Variants in PLEKHG4B observed in about 807,000 individuals in gnomAD.
PLEKHG4B encodes pleckstrin homology domain-containing family G member 4B.
In PLEKHG4B, 111 loss-of-function variants were observed where a neutral mutation model predicts 121.3. That is an observed-to-expected ratio of 0.92 (90% CI 0.78 to 1.07). PLEKHG4B has a LOEUF of 1.07. Ranked by LOEUF, PLEKHG4B falls within the 50% of genes least tolerant of loss-of-function variation. The pLI is 0.00. For missense variants in PLEKHG4B, 1,831 were observed against 1,757.8 expected, an observed-to-expected ratio of 1.04 and a Z score of -0.74; for synonymous variants, 738 against 725.0, an observed-to-expected ratio of 1.02 and a Z score of -0.29.
chr5:171,302 T>C lies in PLEKHG4B; in HGVS notation c.3908T>C (p.Leu1303Pro). The C allele has an allele frequency of 6.2e-7, 1 of 1,612,510 alleles. No individual in the cohort carries two copies. Among genetic ancestry groups the C allele is most frequent in the Non-Finnish European group, 8.5e-7 (1 of 1,179,756 alleles). Residue 1303 changes from leucine to proline, a missense_variant, in exon 16 of 20, where the codon CTC becomes CCC. Leu to Pro is a moderately conservative substitution (Grantham distance 98). Coordinates refer to ENST00000637938, the MANE Select transcript of PLEKHG4B (RefSeq NM_052909.5). ...CGTGTGGCCAAGTACGCGCTGCTAC[T>C]CCAGGACCTGCTCAAGGAGGCCAGC... ...VQRVAKYALL[L>P]QDLLKEASCG... is the part of the protein sequence containing the mutation.
intron 1 of PLEKHG4B, among the ~76,000 whole-genome samples, chr5:109,470 A>C (rs1322551612): frequency 3.4e-5 from 5 of 148,532 alleles, no homozygotes; most frequent in African/African-American, 1.3e-4. Flanking sequence ...TACCTCCCAT[A>C]CCCACCCCCA....
chr5:141,981 A>G (rs1254728596), intron 3 of PLEKHG4B, among the ~76,000 whole-genome samples: 1 of 152,214 alleles, frequency 6.6e-6, no homozygotes, highest in Admixed American at 6.5e-5. Flanking sequence ...TGGAAACAGA[A>G]GTGTGGCCCA....
At chr5:103,154 TG>T (rs1218236187) in intron 1 of PLEKHG4B, among the ~76,000 whole-genome samples, 1 of 152,084 alleles carries the variant, frequency 6.6e-6, no homozygotes, top group Non-Finnish European at 1.5e-5. Context: ...GTGCATGGGG[TG>T]GGGACAGACA....
At chr5:117,991 G>A (rs888464857) in intron 2 of PLEKHG4B, among the ~76,000 whole-genome samples, 2 of 152,004 alleles carry the variant, frequency 1.3e-5, no homozygotes, top group African/African-American at 4.8e-5. Flanking sequence ...AAAGGAGGAG[G>A]GAGTTAACAG....
At chr5:117,001 G>A (rs1734325804) in intron 2 of PLEKHG4B, among the ~76,000 whole-genome samples, 1 of 152,154 alleles carries the variant, frequency 6.6e-6, no homozygotes, top group Non-Finnish European at 1.5e-5. Context: ...GCTTTCAAAG[G>A]CCTGCCTGTT....
At chr5:138,417 G>A (rs762623642) in intron 2 of PLEKHG4B, among the ~76,000 whole-genome samples, 50 of 152,178 alleles carry the variant, frequency 3.3e-4, no homozygotes, top group Non-Finnish European at 4.9e-4. Context: ...GCTCATACTC[G>A]ATTTTACATT....
At chr5:114,905 T>C (rs1464211503) in intron 2 of PLEKHG4B, among the ~76,000 whole-genome samples, 1 of 152,196 alleles carries the variant, frequency 6.6e-6, no homozygotes, top group Admixed American at 6.5e-5. Flanking sequence ...AACCCCTCAG[T>C]GTCATCCATG....
Position 157,277 on chromosome 5 carries a change from A to T in PLEKHG4B, c.2487+366A>T, listed in dbSNP as rs1735816737. Among the ~76,000 whole-genome samples the T allele has an allele frequency of 6.6e-6, 1 of 152,080 alleles. No homozygotes were observed. Among genetic ancestry groups the T allele is most frequent in the South Asian group, 2.1e-4 (1 of 4,820 alleles). ...TGAGAAGCCGAGGTGAAACCGACACAGGTAGAGAGAGTCTGGGCCAAGGTT... is the reference window on the plus strand; with the variant it reads ...TGAGAAGCCGAGGTGAAACCGACACTGGTAGAGAGAGTCTGGGCCAAGGTT... On this transcript the variant is annotated intron_variant, in intron 11 of 19. Transcript: ENST00000637938. This position sits in a 1 kb window ranked among gnomAD's most constrained non-coding sequence, Gnocchi z 4.6.
At chr5:98,312 A>AT (rs755589272) in intron 1 of PLEKHG4B, among the ~76,000 whole-genome samples, 118 of 139,580 alleles carry the variant, frequency 8.5e-4, no homozygotes, top group Admixed American at 2.6e-3. Context: ...TGAATGAATT[A>AT]TTTTTTCCCC....
At position 173,930 on chromosome 5, in the gene PLEKHG4B, G is replaced by A. The variant is rs780252143; in HGVS notation, c.4234G>A (p.Gly1412Arg). Reference sequence around the variant, plus strand: ...TTGCTGACTGCAGACGGCCGAGATCGGGATGACAGAGAACGTCGGGGACAG... The same window carrying A: ...TTGCTGACTGCAGACGGCCGAGATCAGGATGACAGAGAACGTCGGGGACAG... ...YKQSFKTAEIGMTENVGDSGL... is the reference protein window; with the variant it reads ...YKQSFKTAEIRMTENVGDSGL... Residue 1412 changes from glycine (G) to arginine (R), a missense_variant, in exon 18 of 20, where the codon GGG becomes AGG. Transcript: ENST00000637938. The A allele has an allele frequency of 6.8e-6, 11 of 1,613,420 alleles. No homozygotes were observed. Among genetic ancestry groups the A allele is most frequent in the Admixed American group, 1.7e-5 (1 of 59,950 alleles).
intron 6 of PLEKHG4B, among the ~76,000 whole-genome samples, chr5:148,002 A>G (rs10062442): frequency 0.18 from 27,833 of 151,800 alleles, 3,459 homozygotes; most frequent in African/African-American, 0.35. Flanking sequence ...ATTGATGCCA[A>G]AAAAAAAGCA....
chr5:169,260 T>C, intron 13 of PLEKHG4B, 80 bp from the exon 14 acceptor site: 3 of 1,563,648 alleles, frequency 1.9e-6, no homozygotes, highest in Non-Finnish European at 2.6e-6. Flanking sequence ...TTTTCATGTG[T>C]TTCTGTCTCA....
chr5:102,934 G>T (rs944398703), intron 1 of PLEKHG4B, among the ~76,000 whole-genome samples: 1 of 152,174 alleles, frequency 6.6e-6, no homozygotes, highest in Non-Finnish European at 1.5e-5. Flanking sequence ...TCTTGGAGCC[G>T]GTGGTTATGG....
rs1314862037 is a variant in PLEKHG4B, at chr5:165,049, C to G, written c.3476+1501C>G. Among the ~76,000 whole-genome samples the G allele has an allele frequency of 3.2e-4, 32 of 99,978 alleles. 1 individual carries two copies. The highest frequency in any genetic ancestry group is 7.2e-4 in the African/African-American group (19 of 26,424). 65.6% of individuals were successfully genotyped at this position (99,978 alleles called of 152,430 possible). On this transcript the variant is annotated intron_variant, in intron 13 of 19. Coordinates refer to ENST00000637938, the MANE Select transcript of PLEKHG4B (RefSeq NM_052909.5). ...ACAGGGCGGAGCTCACACTAATGCT[C>G]TGACGGGGCGGAGCTCACACTAATG...
intron 2 of PLEKHG4B, among the ~76,000 whole-genome samples, chr5:135,480 A>C (rs1416016945): frequency 1.3e-5 from 2 of 149,324 alleles, no homozygotes; most frequent in African/African-American, 2.5e-5. Flanking sequence ...CCTGGCTAAC[A>C]CAGTGAAACC....
Position 156,172 on chromosome 5 carries a change from G to A in PLEKHG4B, c.2310G>A (p.Ala770=), listed in dbSNP as rs6554830. The change falls in exon 10 of 20, where the codon GCG becomes GCA. Residue 770 remains alanine (A), a synonymous_variant. Coordinates refer to ENST00000637938, the MANE Select transcript of PLEKHG4B (RefSeq NM_052909.5). This position sits in a 1 kb window ranked among gnomAD's most constrained non-coding sequence, Gnocchi z 4.4. ...SLRLEGGTVL[A]RLRREELGTE... is the part of the protein sequence containing the mutation. The stretch of plus-strand genomic sequence containing the variant: ...GGCTGGAGGGGGGCACCGTCCTGGC[G>A]CGGCTGAGGAGAGAAGAGCTTGGCA... 0.12 allele frequency: 195,693 copies of A among 1,579,320 alleles called. 14,937 individuals carry two copies. Among genetic ancestry groups the A allele is most frequent in the African/African-American group, 0.35 (24,580 of 70,168 alleles).
At chr5:152,171 C>T (rs7710931) in intron 7 of PLEKHG4B, among the ~76,000 whole-genome samples, 10,647 of 151,794 alleles carry the variant, frequency 0.07, 638 homozygotes, top group African/African-American at 0.17. Flanking sequence ...ATGTCTATCA[C>T]CACCTTTAGG....
At chr5:107,523 A>G (rs939948266) in intron 1 of PLEKHG4B, among the ~76,000 whole-genome samples, 3 of 152,356 alleles carry the variant, frequency 2.0e-5, no homozygotes, top group Admixed American at 6.5e-5. Context: ...CTGCTCATGC[A>G]GCGAGACCTT....
chr5:110,077 C>T (rs111205984), intron 1 of PLEKHG4B, among the ~76,000 whole-genome samples: 3,403 of 150,568 alleles, frequency 0.023, 131 homozygotes, highest in African/African-American at 0.079. Flanking sequence ...CAATCTGCAA[C>T]ACACATGCAC....
Sources: allele counts gnomAD v4.1 joint callset (sites outside exome capture counted in the v4.1 genomes callset), GRCh38; gene constraint gnomAD v4.1.1; non-coding constraint Gnocchi (gnomAD v3.1); transcripts MANE v1.5; gene names NCBI Gene and HGNC (gene_info 2026-07-23, HGNC 2026-07-21).